Variants in RP1 observed in about 807,000 individuals in gnomAD.
RP1 encodes RP1 axonemal microtubule associated, also known as oxygen-regulated protein 1.
Under a neutral mutation model 14.8 loss-of-function variants are expected in RP1, and 16 were observed. That is an observed-to-expected ratio of 1.08 (90% CI 0.73 to 1.65). The LOEUF (loss-of-function observed/expected upper bound fraction) is 1.65. Among genes scored for constraint, RP1 ranks in the 40% most tolerant of loss-of-function variants. RP1 has a pLI of 0.00. For synonymous variants in RP1, 876 were observed against 883.6 expected, an observed-to-expected ratio of 0.99 and a Z score of 0.15; for missense variants, 2,631 against 2,535.0, an observed-to-expected ratio of 1.04 and a Z score of -0.81.
downstream of RP1, among the ~76,000 whole-genome samples, chr8:54,771,038 A>G (rs546175196): frequency 3.3e-5 from 5 of 152,168 alleles, no homozygotes; most frequent in African/African-American, 1.2e-4. Context: ...ACATTATTTT[A>G]TTCATGAAGT....
intron 19 of RP1, among the ~76,000 whole-genome samples, chr8:54,751,984 A>G (rs1585661701): frequency 6.6e-6 from 1 of 152,294 alleles, no homozygotes; most frequent in Non-Finnish European, 1.5e-5. Flanking sequence ...GCGGGGCCTC[A>G]GAAACCAGAG....
chr8:54,759,342 G>C (rs553308681), intron 22 of RP1, among the ~76,000 whole-genome samples: 1 of 152,220 alleles, frequency 6.6e-6, no homozygotes, highest in South Asian at 2.1e-4. Context: ...TTTAATACTG[G>C]AAATTATTAC....
At chr8:54,733,626 A>C (rs1385007842) in intron 17 of RP1, among the ~76,000 whole-genome samples, 15 of 152,170 alleles carry the variant, frequency 9.9e-5, no homozygotes, top group Admixed American at 9.8e-4. Context: ...TACAGAATTA[A>C]AGGAAGGAGA....
intron 1 of RP1, among the ~76,000 whole-genome samples, chr8:54,618,953 G>A (rs1400368899): frequency 2.0e-5 from 3 of 152,198 alleles, no homozygotes; most frequent in East Asian, 1.9e-4. Flanking sequence ...GAGCCACCAC[G>A]CCCGGGCCTA....
chr8:54,675,434 T>C (rs1807272295), intron 8 of RP1, among the ~76,000 whole-genome samples: 1 of 152,158 alleles, frequency 6.6e-6, no homozygotes, highest in African/African-American at 2.4e-5. Flanking sequence ...TTATCATATG[T>C]CTCAGATTTT....
At position 54,696,349 on chromosome 8, in the gene RP1, G is replaced by T. The variant is rs1807861985; in HGVS notation, c.1718-3118G>T. On this transcript the variant is annotated intron_variant, in intron 12 of 22. Transcript: ENST00000636932. The stretch of plus-strand genomic sequence containing the variant: ...GGCTGTGCTGACAATAGTAAGAAAT[G>T]AAGGATTGGTTCATTTTAGAAAATC... 1.5e-5 allele frequency: 8 copies of T among 523,060 alleles called. No individual in the cohort carries two copies. In the South Asian group the frequency reaches 2.0e-4, roughly 13 times the overall value. The allele number at this position is 523,060 out of a possible 1,614,324, so 32.4% of individuals were successfully genotyped here. A position where few individuals can be genotyped will look rare whatever the true frequency, so the allele number is the denominator to read the frequency against.
At chr8:54,707,884 A>T (rs1258304270) in intron 15 of RP1, among the ~76,000 whole-genome samples, 1 of 152,240 alleles carries the variant, frequency 6.6e-6, no homozygotes, top group Non-Finnish European at 1.5e-5. Context: ...ACCATTTCAC[A>T]GAAGAGGAAG....
intron 7 of RP1, among the ~76,000 whole-genome samples, chr8:54,671,956 G>A (rs1402125829): frequency 1.3e-5 from 2 of 152,234 alleles, no homozygotes; most frequent in East Asian, 3.9e-4. Flanking sequence ...GTCATTATGA[G>A]TCACGTGCTT....
rs762736068 is a variant in RP1, at chr8:54,656,157, G to C, written c.1113G>C (p.Glu371Asp). ...AACGATGGTTGGCACGAGATCAAGAGGATGGGGAAATCTGTCGAGAATTTC... is the reference window on the plus strand; with the variant it reads ...AACGATGGTTGGCACGAGATCAAGACGATGGGGAAATCTGTCGAGAATTTC... Residue 371 changes from glutamate to aspartate, a missense_variant, in exon 6 of 23, where the codon GAG (glutamate) becomes GAC (aspartate). Glu to Asp is a conservative substitution (Grantham distance 45). Coordinates refer to the RP1 transcript ENST00000636932. 3.9e-6 allele frequency: 6 copies of C among 1,535,764 alleles called. No homozygotes were observed. The South Asian group carries it at 7.1e-5, about 18-fold the overall frequency.
intron 26 of RP1, among the ~76,000 whole-genome samples, chr8:54,856,177 G>A (rs927096005): frequency 6.6e-6 from 1 of 152,172 alleles, no homozygotes; most frequent in Non-Finnish European, 1.5e-5. Context: ...CACGTTGAAT[G>A]ACACAAGCCA....
intron 15 of RP1, among the ~76,000 whole-genome samples, chr8:54,707,987 A>G (rs1412306299): frequency 6.6e-6 from 1 of 152,182 alleles, no homozygotes; most frequent in African/African-American, 2.4e-5. Flanking sequence ...CTATGACTAG[A>G]CTAGTTAGAA....
chr8:54,703,348 C>T (rs139719923), intron 14 of RP1, among the ~76,000 whole-genome samples: 199 of 152,244 alleles, frequency 1.3e-3, no homozygotes, highest in African/African-American at 4.5e-3. Context: ...TCTCCTTGTA[C>T]GTGTCCATCA....
intron 3 of RP1, among the ~76,000 whole-genome samples, chr8:54,645,679 G>C (rs1241201469): frequency 6.6e-6 from 1 of 152,026 alleles, no homozygotes; most frequent in Admixed American, 6.6e-5. Flanking sequence ...TTTCTGATTT[G>C]GGTACCAGAG....
intron 24 of RP1, among the ~76,000 whole-genome samples, chr8:54,820,550 C>T (rs1272466855): frequency 6.6e-6 from 1 of 152,132 alleles, no homozygotes; most frequent in East Asian, 1.9e-4. Flanking sequence ...GTGTTGTGCT[C>T]TGCTGTGACA....
chr8:54,779,275 C>A (rs1810122538), intron 23 of RP1, among the ~76,000 whole-genome samples: 1 of 152,170 alleles, frequency 6.6e-6, no homozygotes, highest in African/African-American at 2.4e-5. Flanking sequence ...AGGTAAGAGT[C>A]ATGGGAACAC....
At chr8:54,576,689 A>T (rs1270134938) in intron 1 of RP1, among the ~76,000 whole-genome samples, 2 of 152,216 alleles carry the variant, frequency 1.3e-5, no homozygotes, top group African/African-American at 2.4e-5. Flanking sequence ...AAGGCAGGGA[A>T]AATATTAGAA....
intron 24 of RP1, among the ~76,000 whole-genome samples, chr8:54,837,076 T>A (rs1585734578): frequency 6.6e-6 from 1 of 152,328 alleles, no homozygotes; most frequent in East Asian, 1.9e-4. Context: ...AGGATCTCAC[T>A]GTAATGGGAA....
At chr8:54,610,370 A>T (rs1236407835) in intron 1 of RP1, among the ~76,000 whole-genome samples, 2 of 152,082 alleles carry the variant, frequency 1.3e-5, no homozygotes, top group Non-Finnish European at 2.9e-5. Context: ...ATCTTGCACC[A>T]ATTCTCTTCT....
At position 54,704,447 on chromosome 8, in the gene RP1, C is replaced by T. The variant is rs146545791; in HGVS notation, c.1999-1996C>T. Among the ~76,000 whole-genome samples, 251 of 152,200 alleles carry T rather than the reference C, an allele frequency of 1.6e-3. 1 individual carries two copies. The highest frequency in any genetic ancestry group is 5.7e-3 in the African/African-American group (235 of 41,524). ...AGTTTATGTCCCCCTAAAATAATTA[C>T]GATAGTTAACATCAAAGATCACTGA... is the stretch of plus-strand genomic sequence containing the variant. On this transcript the variant is annotated intron_variant, in intron 14 of 22. Transcript: ENST00000636932.
Sources: allele counts gnomAD v4.1 joint callset (sites outside exome capture counted in the v4.1 genomes callset), GRCh38; gene constraint gnomAD v4.1.1; transcripts MANE v1.5; gene names NCBI Gene and HGNC (gene_info 2026-07-23, HGNC 2026-07-21).